LCOR: variants seen among roughly 807,000 people sequenced by gnomAD.
LCOR encodes the protein ligand dependent nuclear receptor corepressor, also known as ligand-dependent corepressor.
Under a neutral mutation model 64.4 loss-of-function variants are expected in LCOR, and 14 were observed. The ratio of observed to expected loss-of-function variants is 0.22; its 90% CI spans 0.14 to 0.34. The LOEUF (loss-of-function observed/expected upper bound fraction) is 0.34. Among genes scored for constraint, LCOR ranks in the 10% least tolerant of loss-of-function variants. The pLI is 1.00. For missense variants in LCOR, 1,686 were observed against 1,765.3 expected, an observed-to-expected ratio of 0.96 and a Z score of 0.80; for synonymous variants, 643 against 642.5, an observed-to-expected ratio of 1.00 and a Z score of -0.01.
chr10:96,894,694 G>C (rs1191627529), intron 2 of LCOR, among the ~76,000 whole-genome samples: 1 of 152,070 alleles, frequency 6.6e-6, no homozygotes, highest in African/African-American at 2.4e-5. Flanking sequence ...TTTATCTTTT[G>C]TACTGCCATA....
chr10:96,864,601 T>C (rs1203822594), intron 2 of LCOR, among the ~76,000 whole-genome samples: 4 of 152,200 alleles, frequency 2.6e-5, no homozygotes, highest in Non-Finnish European at 5.9e-5. Context: ...AAAAGAGACG[T>C]TGTTCTCTGC....
chr10:96,978,459 C>G (rs549356139), intron 7 of LCOR, among the ~76,000 whole-genome samples: 2 of 152,272 alleles, frequency 1.3e-5, no homozygotes, highest in East Asian at 3.9e-4. Flanking sequence ...CATTTTGTCC[C>G]CATCGCCAGT....
intron 4 of LCOR, among the ~76,000 whole-genome samples, chr10:96,927,024 G>A (rs1847180285): frequency 2.0e-5 from 3 of 151,752 alleles, no homozygotes; most frequent in Admixed American, 1.3e-4. Context: ...GATTTCTTTG[G>A]GATCAATACC....
rs541031780 is a variant in LCOR, at chr10:96,925,233, G to A, written c.-184+17486G>A. On this transcript the variant is annotated intron_variant, in intron 4 of 7. Transcript: ENST00000421806. ...TGGGATTACAGGTGTGCACCACCAC[G>A]CTCAGCTAATTTTTGTATTTTTAGT... 3.4e-3 allele frequency among the ~76,000 whole-genome samples: 511 copies of A among 151,932 alleles called. 4 individuals carry two copies. The highest frequency in any genetic ancestry group is 6.8e-3 in the Middle Eastern group (2 of 294).
intron 4 of LCOR, among the ~76,000 whole-genome samples, chr10:96,915,266 A>G (rs1420225995): frequency 2.0e-5 from 3 of 152,190 alleles, no homozygotes; most frequent in Non-Finnish European, 4.4e-5. Flanking sequence ...CACGCCTGTA[A>G]TCCCAGCACT....
chr10:96,832,421 CGCCGCCCCTCCG>C (rs946612001), intron 1 of LCOR, 22 bp downstream of exon 1: 49 of 941,000 alleles, frequency 5.2e-5, no homozygotes, highest in African/African-American at 1.4e-4. Flanking sequence ...CGCCGACCGC[CGCCGCCCCTCCG>C]GCCGCCCCGC....
chr10:96,885,811 G>T (rs1472675703), intron 2 of LCOR, among the ~76,000 whole-genome samples: 1 of 151,876 alleles, frequency 6.6e-6, no homozygotes. Context: ...CTAATTATGG[G>T]ATACTTTAGA....
chr10:96,834,908 T>G (rs1486111568), intron 2 of LCOR, among the ~76,000 whole-genome samples: 1 of 152,216 alleles, frequency 6.6e-6, no homozygotes, highest in African/African-American at 2.4e-5. Flanking sequence ...TGTTGTTGTT[T>G]TTTCTTTATT....
chr10:96,888,152 G>T (rs2134428312), intron 2 of LCOR, among the ~76,000 whole-genome samples: 1 of 150,866 alleles, frequency 6.6e-6, no homozygotes, highest in African/African-American at 2.4e-5. Context: ...GGATCATGAG[G>T]TTAGGAGTTC....
intron 4 of LCOR, among the ~76,000 whole-genome samples, chr10:96,919,099 A>C (rs1345510230): frequency 6.6e-6 from 1 of 152,226 alleles, no homozygotes; most frequent in East Asian, 1.9e-4. Flanking sequence ...ATGTATACAC[A>C]TTGAGGTACC....
chr10:96,912,549 T>C (rs1231049169), intron 4 of LCOR, among the ~76,000 whole-genome samples: 1 of 152,312 alleles, frequency 6.6e-6, no homozygotes, highest in African/African-American at 2.4e-5. Context: ...ATGTTTACTT[T>C]GATCACTTAG....
At chr10:96,862,971 C>A (rs1174321329) in intron 2 of LCOR, among the ~76,000 whole-genome samples, 1 of 151,264 alleles carries the variant, frequency 6.6e-6, no homozygotes, top group African/African-American at 2.4e-5. Context: ...ACCTCTGCCT[C>A]CTGGGTTCAA....
intron 2 of LCOR, among the ~76,000 whole-genome samples, chr10:96,872,986 A>T (rs1257475293): frequency 6.6e-6 from 1 of 152,248 alleles, no homozygotes; most frequent in African/African-American, 2.4e-5. Context: ...TCCCATATGC[A>T]TAAATAACTG....
At chr10:96,868,711 C>A (rs1362226802) in intron 2 of LCOR, among the ~76,000 whole-genome samples, 1 of 152,170 alleles carries the variant, frequency 6.6e-6, no homozygotes, top group South Asian at 2.1e-4. Flanking sequence ...TTATACTATT[C>A]TTTCATAGCA....
intron 7 of LCOR, among the ~76,000 whole-genome samples, chr10:96,979,286 A>C (rs1589691625): frequency 6.6e-6 from 1 of 152,250 alleles, no homozygotes; most frequent in East Asian, 1.9e-4. Flanking sequence ...TCTCCTGAGG[A>C]ATTATAATCC....
intron 4 of LCOR, among the ~76,000 whole-genome samples, chr10:96,917,229 T>C (rs575964348): frequency 6.6e-6 from 1 of 152,348 alleles, no homozygotes; most frequent in Admixed American, 6.5e-5. Flanking sequence ...AGTCAATGAA[T>C]AGACTAATCA....
At chr10:96,941,313 G>A (rs1411163042) in intron 4 of LCOR, among the ~76,000 whole-genome samples, 10 of 132,350 alleles carry the variant, frequency 7.6e-5, no homozygotes, top group Admixed American at 1.4e-4. Context: ...CCTCCCGGAC[G>A]GGGCGGCTGG....
chr10:96,833,635 C>T (rs899176835), intron 2 of LCOR, among the ~76,000 whole-genome samples, 156 bp downstream of exon 2: 3 of 152,186 alleles, frequency 2.0e-5, no homozygotes, highest in Admixed American at 2.0e-4. Context: ...GTCCGCTGTC[C>T]CCCACGCCCA....
At chr10:96,955,075 C>T (rs1181792651) in intron 7 of LCOR, 4 of 1,614,022 alleles carry the variant, frequency 2.5e-6, no homozygotes, top group Non-Finnish European at 3.4e-6. Flanking sequence ...CTCAAAGTTC[C>T]ACTGGCTCGA....
Sources: allele counts gnomAD v4.1 joint callset (sites outside exome capture counted in the v4.1 genomes callset), GRCh38; gene constraint gnomAD v4.1.1; transcripts MANE v1.5; gene names NCBI Gene and HGNC (gene_info 2026-07-23, HGNC 2026-07-21).